The following MYLIP variants were observed in gnomAD, a reference collection of about 807,000 sequenced individuals.
The protein encoded by MYLIP is E3 ubiquitin-protein ligase MYLIP.
In MYLIP, 26 loss-of-function variants were observed where a neutral mutation model predicts 45.8. The observed-to-expected ratio is 0.57, with a 90% CI of 0.42 to 0.79. The LOEUF (loss-of-function observed/expected upper bound fraction) is 0.79, where lower values mean the gene tolerates loss of function less well. Among genes scored for constraint, MYLIP ranks in the 30% least tolerant of loss-of-function variants. MYLIP has a pLI of 0.00. For missense variants in MYLIP, 494 were observed against 555.6 expected (o/e 0.89, Z 1.11); for synonymous variants, 213 against 218.1 (o/e 0.98, Z 0.21).
chr6:16,132,833 G>A (rs562229386), intron 2 of MYLIP, among the ~76,000 whole-genome samples: 52 of 152,294 alleles, frequency 3.4e-4, no homozygotes, highest in African/African-American at 1.1e-3. Flanking sequence ...TATATAAAAT[G>A]CCATGAATAT....
chr6:16,145,178 A>G lies in MYLIP; in HGVS notation c.1109A>G (p.Gln370Arg), dbSNP rs1268927275. 2.5e-6 allele frequency: 4 copies of G among 1,614,074 alleles called. No individual in the cohort carries two copies. The African/African-American group carries it at 5.3e-5, about 22-fold the overall frequency. ...CSSCEGLSCQ[Q>R]TRVLQEKLRK... ...AGCTGCGAGGGCCTCAGCTGCCAGCAGACCCGGGTGCTGCAGGAGAAGCTA... is the reference window on the plus strand; with the variant it reads ...AGCTGCGAGGGCCTCAGCTGCCAGCGGACCCGGGTGCTGCAGGAGAAGCTA... Residue 370 changes from glutamine (Q) to arginine (R), a missense_variant, in exon 6 of 7, where the codon CAG becomes CGG. Transcript: ENST00000356840.
At chr6:16,159,100 G>A in the MYLIP span, among the ~76,000 whole-genome samples, 1 of 152,180 alleles carries the variant, frequency 6.6e-6, no homozygotes, top group African/African-American at 2.4e-5. Context: ...AAACAACTGG[G>A]TCCTGAGGCT....
chr6:16,140,734 C>T (rs982032399), intron 2 of MYLIP, among the ~76,000 whole-genome samples: 5 of 152,212 alleles, frequency 3.3e-5, no homozygotes, highest in Middle Eastern at 3.4e-3. Flanking sequence ...TGACAGGAGA[C>T]GTGGCTGGAA....
At chr6:16,158,595 C>T in the MYLIP span, among the ~76,000 whole-genome samples, 1 of 152,212 alleles carries the variant, frequency 6.6e-6, no homozygotes, top group East Asian at 1.9e-4. Flanking sequence ...TCTAGGTCAG[C>T]TCTTTCACAA....
At chr6:16,142,509 T>C (rs887305464) in intron 3 of MYLIP, among the ~76,000 whole-genome samples, 1 of 152,198 alleles carries the variant, frequency 6.6e-6, no homozygotes, top group Non-Finnish European at 1.5e-5. Context: ...GTTCTGTAGG[T>C]CAGGAATCTG....
In MYLIP at chr6:16,139,444, G is replaced by A. The variant is rs142482330; in HGVS notation, c.279-2181G>A. 1.4e-3 allele frequency among the ~76,000 whole-genome samples: 216 copies of A among 151,322 alleles called. 2 individuals are homozygous for A. Among genetic ancestry groups the A allele is most frequent in the Middle Eastern group, 0.014 (4 of 282 alleles). On this transcript the variant is annotated intron_variant, in intron 2 of 6. Transcript: ENST00000356840. ...GCAGTAATTAAACTAAGAAGACTTC[G>A]TTTGTGGCAATATTCTTCAAGTCTT... is the stretch of plus-strand genomic sequence containing the variant.
At chr6:16,153,910 G>T in the MYLIP span, among the ~76,000 whole-genome samples, 2,290 of 152,238 alleles carry the variant, frequency 0.015, 28 homozygotes, top group Non-Finnish European at 0.026. Flanking sequence ...AAATGCAAGT[G>T]TAACTTACAC....
intron 2 of MYLIP, among the ~76,000 whole-genome samples, chr6:16,138,549 G>A (rs1759602734): frequency 6.6e-6 from 1 of 152,138 alleles, no homozygotes. Flanking sequence ...CTGTTCTCCT[G>A]GAGAGCATAA....
At chr6:16,159,444 A>C in the MYLIP span, among the ~76,000 whole-genome samples, 1 of 152,194 alleles carries the variant, frequency 6.6e-6, no homozygotes, top group African/African-American at 2.4e-5. Flanking sequence ...AACAGGGCTC[A>C]AAAGCTGCTC....
chr6:16,143,887 A>C, intron 5 of MYLIP, 24 bp downstream of exon 5: 1 of 1,602,464 alleles, frequency 6.2e-7, no homozygotes, highest in Non-Finnish European at 8.5e-7. Context: ...GTGCTTGGTC[A>C]CCTCAGCACC....
At chr6:16,131,477 AAT>A (rs1196187524) in intron 2 of MYLIP, among the ~76,000 whole-genome samples, 2 of 152,234 alleles carry the variant, frequency 1.3e-5, no homozygotes, top group Admixed American at 6.5e-5. Flanking sequence ...GACTGACTCT[AAT>A]ACTTGATTCT....
chr6:16,149,824 G>A (rs1759856312), downstream of MYLIP, among the ~76,000 whole-genome samples: 1 of 152,194 alleles, frequency 6.6e-6, no homozygotes, highest in South Asian at 2.1e-4. Context: ...TACTGAGAGA[G>A]ACAAGTCGTA....
At chr6:16,139,615 C>T (rs1759625194) in intron 2 of MYLIP, among the ~76,000 whole-genome samples, 1 of 152,188 alleles carries the variant, frequency 6.6e-6, no homozygotes, top group African/African-American at 2.4e-5. Context: ...CTTTTGAGGC[C>T]TGCAACAGTG....
At chr6:16,138,084 G>C (rs1235680092) in intron 2 of MYLIP, among the ~76,000 whole-genome samples, 1 of 152,130 alleles carries the variant, frequency 6.6e-6, no homozygotes, top group Admixed American at 6.5e-5. Context: ...TGTTTAAAAG[G>C]TGCAGTTTGA....
chr6:16,147,391 G>C lies in MYLIP; in HGVS notation c.*640G>C, dbSNP rs912124443. 6.5e-6 allele frequency: 1 copy of C among 152,852 alleles called. No homozygotes were observed. The allele number at this position is 152,852 out of a possible 1,614,324, so 9.5% of individuals were successfully genotyped here. On this transcript the variant is annotated 3_prime_UTR_variant, in exon 7 of 7. Transcript: ENST00000356840. ...AAAAGCAGCTCACTCAATGTGGGTG[G>C]CTCCCTATTCCTTTACGCTCCCCCT... is the stretch of plus-strand genomic sequence containing the variant.
chr6:16,144,052 G>T (rs149059329), intron 5 of MYLIP, among the ~76,000 whole-genome samples, 189 bp downstream of exon 5: 10 of 152,064 alleles, frequency 6.6e-5, no homozygotes, highest in African/African-American at 2.4e-4. Flanking sequence ...ACCCACAGAA[G>T]GTGCATGTGT....
At chr6:16,139,717 G>T (rs1759627038) in intron 2 of MYLIP, among the ~76,000 whole-genome samples, 1 of 152,158 alleles carries the variant, frequency 6.6e-6, no homozygotes, top group Admixed American at 6.5e-5. Flanking sequence ...CTTTGCCCCA[G>T]TGGGGGCTCC....
At chr6:16,162,326 A>G in the MYLIP span, among the ~76,000 whole-genome samples, 2 of 152,218 alleles carry the variant, frequency 1.3e-5, no homozygotes, top group Non-Finnish European at 1.5e-5. Context: ...CATCATGATG[A>G]TAGATTTGAT....
intron 2 of MYLIP, among the ~76,000 whole-genome samples, chr6:16,132,702 C>T (rs1454356944): frequency 6.6e-6 from 1 of 152,154 alleles, no homozygotes; most frequent in Non-Finnish European, 1.5e-5. Context: ...GTCCAGTTTA[C>T]AATTAGCATT....
Sources: gnomAD v4.1 joint callset for allele counts (sites outside exome capture counted in the v4.1 genomes callset) on GRCh38, gnomAD v4.1.1 for gene constraint, MANE v1.5 for transcripts, NCBI Gene and HGNC (gene_info 2026-07-23, HGNC 2026-07-21) for gene names.